The following PRKCQ variants were observed in gnomAD, a reference collection of about 807,000 sequenced individuals.
The protein encoded by PRKCQ is protein kinase C theta type.
Under a neutral mutation model 91.2 loss-of-function variants are expected in PRKCQ, and 41 were observed. The ratio of observed to expected loss-of-function variants is 0.45; its 90% CI spans 0.35 to 0.58. The LOEUF is 0.58. PRKCQ is among the 20% of genes least tolerant of loss of function. The pLI, the probability that PRKCQ is intolerant of heterozygous loss-of-function variation, is 0.00. For missense variants in PRKCQ, 673 were observed against 896.5 expected (o/e 0.75, Z 3.18); for synonymous variants, 307 against 316.9 (o/e 0.97, Z 0.33).
chr10:6,455,732 T>G (rs1343557924), intron 15 of PRKCQ, among the ~76,000 whole-genome samples: 2 of 152,214 alleles, frequency 1.3e-5, no homozygotes, highest in Admixed American at 1.3e-4. Context: ...ACACTTTGGA[T>G]GGACATCAGT....
intron 1 of PRKCQ, among the ~76,000 whole-genome samples, chr10:6,570,381 A>C (rs35235840): frequency 3.9e-5 from 6 of 152,030 alleles, no homozygotes; most frequent in Non-Finnish European, 8.8e-5. Flanking sequence ...TTTTTTTCAC[A>C]GAAGGAAGGG....
In PRKCQ at chr10:6,506,201, G is replaced by A. The variant is rs189977390; in HGVS notation, c.379+1235C>T. Among the ~76,000 whole-genome samples the A allele has an allele frequency of 4.1e-4, 62 of 152,160 alleles. 2 individuals carry two copies. In the East Asian group the frequency reaches 9.8e-3, roughly 24 times the overall value. On this transcript the variant is annotated intron_variant, in intron 4 of 17. Coordinates refer to ENST00000263125, the MANE Select transcript of PRKCQ (RefSeq NM_006257.5). ...TTCAGAGTACATTTTTCCCATCTCA[G>A]TAATTCTTTCTTTCTTTTAAAAAAA...
intron 15 of PRKCQ, among the ~76,000 whole-genome samples, chr10:6,452,542 T>C (rs1248891691): frequency 1.3e-5 from 2 of 150,676 alleles, no homozygotes; most frequent in Non-Finnish European, 3.0e-5. Context: ...AAGCTACCAA[T>C]GACTTTCTTC....
intron 12 of PRKCQ, among the ~76,000 whole-genome samples, chr10:6,471,628 T>C (rs190976343): frequency 5.0e-4 from 76 of 152,268 alleles, no homozygotes; most frequent in African/African-American, 1.8e-3. Flanking sequence ...CGCACGCTTG[T>C]AATTCCAGCT....
chr10:6,396,875 A>C, the PRKCQ span, among the ~76,000 whole-genome samples: 1 of 152,190 alleles, frequency 6.6e-6, no homozygotes, highest in Non-Finnish European at 1.5e-5. Context: ...TTTCAAATGC[A>C]TTGCAACATT....
chr10:6,418,933 A>T, the PRKCQ span, among the ~76,000 whole-genome samples: 1 of 151,680 alleles, frequency 6.6e-6, no homozygotes, highest in East Asian at 1.9e-4. Flanking sequence ...CATTTATCTC[A>T]TCTCTATATC....
chr10:6,492,761 A>G (rs993877727), intron 7 of PRKCQ, among the ~76,000 whole-genome samples: 8 of 152,208 alleles, frequency 5.3e-5, no homozygotes, highest in Non-Finnish European at 7.3e-5. Context: ...TCCTGGTAAG[A>G]ATGTGAATAT....
At chr10:6,468,938 G>C (rs1202611989) in intron 12 of PRKCQ, among the ~76,000 whole-genome samples, 1 of 152,170 alleles carries the variant, frequency 6.6e-6, no homozygotes, top group Admixed American at 6.5e-5. Flanking sequence ...AGAAAGGGGA[G>C]CTATCGTTCA....
At chr10:6,476,079 G>A (rs947640519) in intron 12 of PRKCQ, among the ~76,000 whole-genome samples, 16 of 152,108 alleles carry the variant, frequency 1.1e-4, no homozygotes, top group Non-Finnish European at 2.2e-4. Flanking sequence ...CTAAGCATGT[G>A]GGAGTTATTT....
chr10:6,409,958 A>G, the PRKCQ span, among the ~76,000 whole-genome samples: 3 of 152,228 alleles, frequency 2.0e-5, no homozygotes, highest in Non-Finnish European at 2.9e-5. Context: ...GTTTGTTGCC[A>G]CGACAAACAG....
intron 2 of PRKCQ, among the ~76,000 whole-genome samples, chr10:6,511,444 C>A (rs887126648): frequency 1.3e-5 from 2 of 152,158 alleles, no homozygotes; most frequent in African/African-American, 4.8e-5. Context: ...TCTGCTAATG[C>A]CTTGGACTGG....
chr10:6,548,121 C>T (rs916580242), intron 1 of PRKCQ, among the ~76,000 whole-genome samples: 6 of 152,238 alleles, frequency 3.9e-5, no homozygotes, highest in South Asian at 2.1e-4. Context: ...AGCCAAAAGA[C>T]ACATGAAAAA....
intron 15 of PRKCQ, among the ~76,000 whole-genome samples, chr10:6,450,127 A>C (rs1834570588): frequency 6.7e-6 from 1 of 149,586 alleles, no homozygotes; most frequent in African/African-American, 2.5e-5. Context: ...CAATTAAAAG[A>C]CACAGACTGG....
intron 15 of PRKCQ, among the ~76,000 whole-genome samples, chr10:6,447,209 C>T (rs1178479414): frequency 6.6e-6 from 1 of 151,678 alleles, no homozygotes; most frequent in Non-Finnish European, 1.5e-5. Flanking sequence ...GAGATCGAGA[C>T]CATCCTGGCC....
the PRKCQ span, among the ~76,000 whole-genome samples, chr10:6,415,134 T>G: frequency 1.3e-5 from 2 of 151,810 alleles, no homozygotes; most frequent in African/African-American, 4.8e-5. Flanking sequence ...AGCTAATTTT[T>G]GCATTTTTAG....
chr10:6,538,657 T>C (rs1444372577), intron 1 of PRKCQ, among the ~76,000 whole-genome samples: 1 of 152,228 alleles, frequency 6.6e-6, no homozygotes, highest in East Asian at 1.9e-4. Flanking sequence ...GCCAGAGTTG[T>C]CCTAGTGCCA....
At chr10:6,406,740 G>A in the PRKCQ span, among the ~76,000 whole-genome samples, 4 of 152,048 alleles carry the variant, frequency 2.6e-5, no homozygotes, top group South Asian at 2.1e-4. Flanking sequence ...AGGCACTGAG[G>A]GAATGGCTCA....
intron 15 of PRKCQ, among the ~76,000 whole-genome samples, chr10:6,452,403 C>T (rs1834743729): frequency 6.6e-6 from 1 of 152,078 alleles, no homozygotes; most frequent in Non-Finnish European, 1.5e-5. Flanking sequence ...CTACAAACCA[C>T]TGCTCAATGA....
chr10:6,485,293 A>C, intron 9 of PRKCQ, 24 bp from the exon 10 acceptor site: 1 of 1,582,136 alleles, frequency 6.3e-7, no homozygotes, highest in Non-Finnish European at 8.7e-7. Context: ...AGAGAGTCAG[A>C]CCACCCACCC....
Sources: allele counts gnomAD v4.1 joint callset (sites outside exome capture counted in the v4.1 genomes callset), GRCh38; gene constraint gnomAD v4.1.1; transcripts MANE v1.5; gene names NCBI Gene and HGNC (gene_info 2026-07-23, HGNC 2026-07-21).